NEK1: variants seen among roughly 807,000 people sequenced by gnomAD.
NEK1 encodes the protein serine/threonine-protein kinase Nek1.
Under a neutral mutation model 182.1 loss-of-function variants are expected in NEK1, and 137 were observed. The observed-to-expected ratio is 0.75, with a 90% confidence interval of 0.65 to 0.87. NEK1 has a LOEUF of 0.87. Among genes scored for constraint, NEK1 ranks in the 40% least tolerant of loss-of-function variants. NEK1 has a pLI of 0.00. For synonymous variants in NEK1, 513 were observed against 492.2 expected, an observed-to-expected ratio of 1.04 and a Z score of -0.56; for missense variants, 1,391 against 1,494.4, an observed-to-expected ratio of 0.93 and a Z score of 1.14.
intron 10 of NEK1, among the ~76,000 whole-genome samples, chr4:169,582,113 A>T (rs1766750235): frequency 6.6e-6 from 1 of 152,072 alleles, no homozygotes; most frequent in Admixed American, 6.6e-5. Context: ...AACTCGATTT[A>T]TGCTTTTTTT....
rs563317235 is a variant in NEK1, at chr4:169,493,718, T to C, written c.2007+13319A>G. 1.0e-3 allele frequency among the ~76,000 whole-genome samples: 154 copies of C among 152,274 alleles called. 1 individual carries two copies. Among genetic ancestry groups the C allele is most frequent in the Non-Finnish European group, 1.9e-3 (132 of 68,022 alleles). ...GAGCTCAAAGACTGGTCTTTTGAAT[T>C]AACCCAGTCAGACAAAAATAAAGAG... On this transcript the variant is annotated intron_variant, in intron 23 of 35. Transcript: ENST00000507142.
intron 11 of NEK1, 76 bp from the exon 12 acceptor site, chr4:169,577,155 G>C: frequency 7.4e-7 from 1 of 1,358,680 alleles, no homozygotes. Context: ...CTTCAAGATA[G>C]CACTGTTTAA....
In NEK1 at chr4:169,406,840, T is replaced by C. The variant is rs1026762282; in HGVS notation, c.3223-93A>G. 1.8e-5 allele frequency: 19 copies of C among 1,040,984 alleles called. No homozygotes were observed. The Admixed American group carries it at 3.7e-4, about 20-fold the overall frequency. 64.5% of individuals were successfully genotyped at this position (1,040,984 alleles called of 1,614,324 possible). A position where few individuals can be genotyped will look rare whatever the true frequency, so the allele number is the denominator to read the frequency against. On this transcript the variant is annotated intron_variant, in intron 31 of 35. Transcript: ENST00000507142. ...TAGAACTAATCACAATTTTGTTACA[T>C]ATGTGTAAAATGTAACATATAAAAA...
chr4:169,441,176 G>A (rs140115165), intron 27 of NEK1, among the ~76,000 whole-genome samples: 120 of 152,310 alleles, frequency 7.9e-4, no homozygotes, highest in African/African-American at 2.8e-3. Context: ...GCTCCCCAGA[G>A]CCTGGGAGCT....
At position 169,400,653 on chromosome 4, in the gene NEK1, TA is replaced by T; in HGVS notation, c.3584-3del. On this transcript the variant is annotated splice_region_variant and splice_polypyrimidine_tract_variant and intron_variant, in intron 33 of 35. Coordinates refer to ENST00000507142, the MANE Select transcript of NEK1 (RefSeq NM_001199397.3). ...TAGCAATTTCACCATCACTGTTATC[TA>T]AAAAACAAAATTAAAATAGAGATTT... 2 of 1,566,936 alleles carry T rather than the reference TA, an allele frequency of 1.3e-6. No homozygotes were observed. Among genetic ancestry groups the T allele is most frequent in the Non-Finnish European group, 1.7e-6 (2 of 1,155,574 alleles).
chr4:169,543,419 G>A (rs948682606), intron 18 of NEK1, among the ~76,000 whole-genome samples: 1 of 152,190 alleles, frequency 6.6e-6, no homozygotes, highest in Admixed American at 6.5e-5. Context: ...TCAGGTAGCA[G>A]GATGCCTCCA....
chr4:169,429,153 A>G (rs1736960327), intron 29 of NEK1, among the ~76,000 whole-genome samples: 1 of 152,142 alleles, frequency 6.6e-6, no homozygotes, highest in Non-Finnish European at 1.5e-5. Context: ...GGACTTGAGT[A>G]TATGTAGATT....
At chr4:169,411,676 C>T (rs1173506502) in intron 31 of NEK1, among the ~76,000 whole-genome samples, 1 of 152,148 alleles carries the variant, frequency 6.6e-6, no homozygotes, top group Admixed American at 6.5e-5. Context: ...GTGGAGTTAG[C>T]AGGTAATTCT....
At chr4:169,452,278 A>C (rs1741951364) in intron 27 of NEK1, among the ~76,000 whole-genome samples, 2 of 152,222 alleles carry the variant, frequency 1.3e-5, no homozygotes, top group South Asian at 4.1e-4. Flanking sequence ...AAACTATTCC[A>C]ATCAATAGAA....
At position 169,567,338 on chromosome 4, in the gene NEK1, C is replaced by T. The variant is rs990919124; in HGVS notation, c.1021-5142G>A. 5.9e-5 allele frequency among the ~76,000 whole-genome samples: 9 copies of T among 151,704 alleles called. No homozygotes were observed. In the East Asian group the frequency reaches 1.5e-3, roughly 26 times the overall value. On this transcript the variant is annotated intron_variant, in intron 12 of 35. Transcript: ENST00000507142. Reference sequence around the variant, plus strand: ...ATCATTTTAACCATTTTTAAGTGTGCAGTTCTGTGGCATTAAATACTTTCA... The same window carrying T: ...ATCATTTTAACCATTTTTAAGTGTGTAGTTCTGTGGCATTAAATACTTTCA...
At position 169,571,620 on chromosome 4, in the gene NEK1, G is replaced by A. The variant is rs539050950; in HGVS notation, c.1020+5308C>T. On this transcript the variant is annotated intron_variant, in intron 12 of 35. Transcript: ENST00000507142. ...CAGGTAAGTACTTGGCATGTTTAAG[G>A]ACAACAGGTTTGGCAAGGCTGTACC... is the stretch of plus-strand genomic sequence containing the variant. 8.2e-4 allele frequency among the ~76,000 whole-genome samples: 125 copies of A among 152,290 alleles called. 3 individuals are homozygous for A. The South Asian group carries it at 0.025, about 30-fold the overall frequency.
chr4:169,479,676 T>G, intron 23 of NEK1, 142 bp from the exon 24 acceptor site: 1 of 672,640 alleles, frequency 1.5e-6, no homozygotes, highest in Non-Finnish European at 2.5e-6. Context: ...AGCAAGGCAT[T>G]ATGATGCTAC....
At chr4:169,579,752 A>G (rs1309814688) in intron 11 of NEK1, among the ~76,000 whole-genome samples, 2 of 150,750 alleles carry the variant, frequency 1.3e-5, no homozygotes, top group East Asian at 2.0e-4. Flanking sequence ...TTGCACCACT[A>G]CACTCCAGCC....
chr4:169,450,563 G>A (rs1422810404), intron 27 of NEK1, among the ~76,000 whole-genome samples: 4 of 152,124 alleles, frequency 2.6e-5, no homozygotes, highest in Non-Finnish European at 5.9e-5. Flanking sequence ...CCCAGAATTT[G>A]ATATCCAGCC....
chr4:169,540,631 T>C (rs1481832281), intron 18 of NEK1, among the ~76,000 whole-genome samples: 2 of 152,154 alleles, frequency 1.3e-5, no homozygotes, highest in South Asian at 2.1e-4. Flanking sequence ...AATTAGACTA[T>C]TTCTTTTGAG....
At chr4:169,397,388 A>T (rs1465276256) in intron 35 of NEK1, among the ~76,000 whole-genome samples, 2 of 152,212 alleles carry the variant, frequency 1.3e-5, no homozygotes, top group Non-Finnish European at 2.9e-5. Flanking sequence ...GATTAACAAT[A>T]CAAAACAGCA....
intron 27 of NEK1, among the ~76,000 whole-genome samples, chr4:169,457,657 G>T (rs1743151604): frequency 7.4e-6 from 1 of 135,280 alleles, no homozygotes; most frequent in African/African-American, 3.2e-5. Context: ...TGCGGGGCAG[G>T]GGGAGAGAAG....
At chr4:169,433,981 T>C (rs1259717241) in intron 28 of NEK1, among the ~76,000 whole-genome samples, 2 of 152,122 alleles carry the variant, frequency 1.3e-5, no homozygotes, top group East Asian at 3.8e-4. Flanking sequence ...TAAATTCATT[T>C]AGGGAAGGTA....
rs548293735 is a variant in NEK1, at chr4:169,464,208, A to G, written c.2435-813T>C. 1.2e-3 allele frequency among the ~76,000 whole-genome samples: 179 copies of G among 152,318 alleles called. 2 individuals are homozygous for G. Among genetic ancestry groups the G allele is most frequent in the African/African-American group, 4.0e-3 (165 of 41,582 alleles). On this transcript the variant is annotated intron_variant, in intron 26 of 35. Coordinates refer to ENST00000507142, the MANE Select transcript of NEK1 (RefSeq NM_001199397.3). ...TAAAAAAAAAGAGAGACATACCATT[A>G]CAGTGAAAAAATGTGTTTAAGATAA...
Sources: gnomAD v4.1 joint callset for allele counts (sites outside exome capture counted in the v4.1 genomes callset) on GRCh38, gnomAD v4.1.1 for gene constraint, MANE v1.5 for transcripts, NCBI Gene and HGNC (gene_info 2026-07-23, HGNC 2026-07-21) for gene names.